Variants in ADAMTSL1 observed in about 807,000 individuals in gnomAD.
ADAMTSL1 encodes ADAMTS like 1.
ADAMTSL1 carries 126 observed loss-of-function variants against 201.8 expected under a neutral mutation model. The observed-to-expected ratio is 0.62, with a 90% CI of 0.54 to 0.72. The LOEUF is 0.72. ADAMTSL1 is among the 30% of genes least tolerant of loss of function. ADAMTSL1 has a pLI of 0.00. For synonymous variants in ADAMTSL1, 1,121 were observed against 903.4 expected (o/e 1.24, Z -4.32); for missense variants, 2,679 against 2,277.8 (o/e 1.18, Z -3.59).
chr9:18,378,634 C>T (rs1837413518), intron 2 of ADAMTSL1, among the ~76,000 whole-genome samples: 1 of 152,154 alleles, frequency 6.6e-6, no homozygotes, highest in Non-Finnish European at 1.5e-5. Flanking sequence ...TTCTCCTCCT[C>T]TACCTACCCT....
chr9:18,551,172 T>A (rs984114197), intron 3 of ADAMTSL1, among the ~76,000 whole-genome samples: 1 of 151,876 alleles, frequency 6.6e-6, no homozygotes, highest in African/African-American at 2.4e-5. Flanking sequence ...CCACCAGAAT[T>A]ATACTTGTTC....
chr9:18,208,550 C>T (rs529440670), intron 2 of ADAMTSL1, among the ~76,000 whole-genome samples: 2 of 152,202 alleles, frequency 1.3e-5, no homozygotes, highest in Admixed American at 6.5e-5. Context: ...TTGGAAGACA[C>T]CAGGCACAGT....
rs369014171 is a variant in ADAMTSL1 at position 18,005,517 on chromosome 9, C to G, written c.87+98595C>G. Among the ~76,000 whole-genome samples, 5 of 152,142 alleles carry G rather than the reference C, an allele frequency of 3.3e-5. No individual in the cohort carries two copies. The East Asian group carries it at 7.8e-4, about 24-fold the overall frequency. Reference sequence around the variant, plus strand: ...TGCCAATCCAGTCTATAACTCAGCCCCAACAGGTCCCTTAGCCTTTGTTCT... The same window carrying G: ...TGCCAATCCAGTCTATAACTCAGCCGCAACAGGTCCCTTAGCCTTTGTTCT... On this transcript the variant is annotated intron_variant, in intron 1 of 29. Coordinates refer to the ADAMTSL1 transcript ENST00000680146.
At chr9:18,016,791 G>C (rs1415561782) in intron 1 of ADAMTSL1, among the ~76,000 whole-genome samples, 1 of 151,986 alleles carries the variant, frequency 6.6e-6, no homozygotes, top group Non-Finnish European at 1.5e-5. Flanking sequence ...AGCAGAATAT[G>C]GTCCCTGCGT....
At chr9:18,111,939 G>A (rs973600590) in intron 1 of ADAMTSL1, among the ~76,000 whole-genome samples, 1 of 152,054 alleles carries the variant, frequency 6.6e-6, no homozygotes, top group Admixed American at 6.6e-5. Flanking sequence ...GCATCTAATG[G>A]TAAGTTTTAT....
chr9:18,524,405 C>T (rs867632141), intron 2 of ADAMTSL1, among the ~76,000 whole-genome samples: 2 of 152,254 alleles, frequency 1.3e-5, no homozygotes, highest in South Asian at 2.1e-4. Context: ...ATTTGACTTC[C>T]TCTTTTCCTA....
At chr9:17,954,027 G>C (rs974303519) in intron 1 of ADAMTSL1, among the ~76,000 whole-genome samples, 1 of 152,174 alleles carries the variant, frequency 6.6e-6, no homozygotes, top group African/African-American at 2.4e-5. Flanking sequence ...TCACGAGTCT[G>C]GAGTCTGGGC....
chr9:17,974,528 AC>A (rs1430285272), intron 1 of ADAMTSL1, among the ~76,000 whole-genome samples: 2 of 151,820 alleles, frequency 1.3e-5, no homozygotes, highest in Non-Finnish European at 2.9e-5. Flanking sequence ...CAATGTTCCC[AC>A]CCCTCAGCCC....
intron 4 of ADAMTSL1, among the ~76,000 whole-genome samples, chr9:18,580,036 C>A (rs1822996207): frequency 1.3e-5 from 2 of 151,942 alleles, no homozygotes; most frequent in Non-Finnish European, 1.5e-5. Context: ...TCAGATGATA[C>A]CTGATATATG....
intron 23 of ADAMTSL1, among the ~76,000 whole-genome samples, chr9:18,849,061 T>G (rs1826312310): frequency 6.6e-6 from 1 of 152,250 alleles, no homozygotes; most frequent in African/African-American, 2.4e-5. Context: ...CAACCTCAGC[T>G]CTATGTCACC....
intron 1 of ADAMTSL1, among the ~76,000 whole-genome samples, chr9:17,984,767 C>A (rs1015903935): frequency 6.6e-6 from 1 of 152,200 alleles, no homozygotes; most frequent in South Asian, 2.1e-4. Flanking sequence ...ATCATTTAGA[C>A]CTTTTCCTTC....
intron 20 of ADAMTSL1, among the ~76,000 whole-genome samples, chr9:18,816,665 T>C (rs12342095): frequency 0.036 from 5,130 of 141,486 alleles, 283 homozygotes; most frequent in African/African-American, 0.12. Context: ...TTAGAATGCA[T>C]AAATCATCTC....
intron 2 of ADAMTSL1, among the ~76,000 whole-genome samples, chr9:18,262,231 A>G (rs1377416462): frequency 1.3e-5 from 2 of 152,148 alleles, no homozygotes; most frequent in Non-Finnish European, 2.9e-5. Flanking sequence ...TGGAGTATAC[A>G]GGAGCTAAGG....
chr9:18,417,540 T>C (rs768857365), intron 2 of ADAMTSL1, among the ~76,000 whole-genome samples: 2 of 151,976 alleles, frequency 1.3e-5, no homozygotes, highest in Non-Finnish European at 2.9e-5. Flanking sequence ...TAAATTACCA[T>C]ATCAGAATGA....
At chr9:18,751,099 A>G (rs1006720299) in intron 15 of ADAMTSL1, among the ~76,000 whole-genome samples, 1 of 152,218 alleles carries the variant, frequency 6.6e-6, no homozygotes, top group Non-Finnish European at 1.5e-5. Flanking sequence ...TCAAGACTTC[A>G]CCTTTGGAAG....
At chr9:18,728,748 G>T (rs975680256) in intron 15 of ADAMTSL1, among the ~76,000 whole-genome samples, 3 of 152,202 alleles carry the variant, frequency 2.0e-5, no homozygotes, top group Non-Finnish European at 4.4e-5. Flanking sequence ...GGAAAACCAT[G>T]AGCACAAAAT....
At chr9:18,853,918 T>TGTGTGCGCGC (rs139332733) in intron 23 of ADAMTSL1, among the ~76,000 whole-genome samples, 52 of 145,480 alleles carry the variant, frequency 3.6e-4, no homozygotes, top group Middle Eastern at 3.4e-3. Flanking sequence ...TGTGTGTGTG[T>TGTGTGCGCGC]GCGCGTGCAT....
intron 2 of ADAMTSL1, among the ~76,000 whole-genome samples, chr9:18,467,237 G>T (rs1821042687): frequency 6.6e-6 from 1 of 152,164 alleles, no homozygotes. Flanking sequence ...GACCCATTTT[G>T]TGGGGGAACA....
chr9:18,023,822 A>G (rs1297141380), intron 1 of ADAMTSL1, among the ~76,000 whole-genome samples: 1 of 152,164 alleles, frequency 6.6e-6, no homozygotes, highest in Non-Finnish European at 1.5e-5. Context: ...TTGCTAAATG[A>G]TCTTGGCAAA....
Sources: allele counts gnomAD v4.1 joint callset (sites outside exome capture counted in the v4.1 genomes callset), GRCh38; gene constraint gnomAD v4.1.1; transcripts MANE v1.5; gene names NCBI Gene and HGNC (gene_info 2026-07-23, HGNC 2026-07-21).